Variants in NEXMIF observed in about 807,000 individuals in gnomAD.
NEXMIF encodes XLMR protein related to neurite extension.
NEXMIF carries 8 observed loss-of-function variants against 62.1 expected under a neutral mutation model. The observed-to-expected ratio is 0.13, with a 90% CI of 0.08 to 0.23. The LOEUF is 0.23. NEXMIF is among the 10% of genes least tolerant of loss of function. The pLI, the probability that NEXMIF is intolerant of heterozygous loss-of-function variation, is 1.00. For synonymous variants in NEXMIF, 404 were observed against 416.6 expected (o/e 0.97, Z 0.37); for missense variants, 976 against 1,113.3 (o/e 0.88, Z 1.75).
At chrX:74,747,332 A>G (rs1349983893) in intron 1 of NEXMIF, among the ~76,000 whole-genome samples, 1 of 111,657 alleles carries the variant, frequency 9.0e-6, no homozygotes, top group African/African-American at 3.3e-5. Flanking sequence ...AGACTATGAC[A>G]GCCAAGGTTG....
At chrX:74,811,114 G>GTAA (rs1253578032) in intron 1 of NEXMIF, among the ~76,000 whole-genome samples, 1 of 112,070 alleles carries the variant, frequency 8.9e-6, no homozygotes, top group East Asian at 2.8e-4. Context: ...AGAGCCCATA[G>GTAA]TAAGTATCAG....
At chrX:74,880,165 C>T (rs1318737624) in intron 1 of NEXMIF, among the ~76,000 whole-genome samples, 3 of 112,086 alleles carry the variant, frequency 2.7e-5, no homozygotes, top group Non-Finnish European at 5.6e-5. Flanking sequence ...AATTAGAGGA[C>T]TACTCATTTC....
chrX:74,914,709 C>T (rs924560257), intron 1 of NEXMIF, among the ~76,000 whole-genome samples: 2 of 111,413 alleles, frequency 1.8e-5, no homozygotes, highest in African/African-American at 3.3e-5. Flanking sequence ...ACAAAACCAA[C>T]CAACCAAACA....
chrX:74,901,107 G>T (rs2084951503), intron 1 of NEXMIF, among the ~76,000 whole-genome samples: 2 of 111,667 alleles, frequency 1.8e-5, no homozygotes, highest in Non-Finnish European at 3.8e-5. Context: ...CAGTGTGAAT[G>T]AATTTAATTC....
At chrX:74,886,896 A>G (rs1239637091) in intron 1 of NEXMIF, among the ~76,000 whole-genome samples, 2 of 107,808 alleles carry the variant, frequency 1.9e-5, no homozygotes, top group Non-Finnish European at 3.8e-5. Context: ...CTGACTTCAA[A>G]CTATACTACA....
intron 1 of NEXMIF, among the ~76,000 whole-genome samples, chrX:74,871,786 T>C (rs2080602075): frequency 8.9e-6 from 1 of 111,908 alleles, no homozygotes; most frequent in Non-Finnish European, 1.9e-5. Flanking sequence ...CTTCCCTTTT[T>C]CCCTGAAAAT....
chrX:74,824,188 A>T (rs141608574), intron 1 of NEXMIF, among the ~76,000 whole-genome samples: 1,151 of 111,349 alleles, frequency 0.01, 9 homozygotes, highest in Non-Finnish European at 0.015. Context: ...ATTATTATTA[A>T]CTATAATCAC....
intron 1 of NEXMIF, among the ~76,000 whole-genome samples, chrX:74,880,709 A>C (rs1028252281): frequency 8.9e-6 from 1 of 112,261 alleles, no homozygotes; most frequent in African/African-American, 3.2e-5. Context: ...GGTGTAGAAA[A>C]GAAATTATTT....
chrX:74,874,315 T>C (rs1305514267), intron 1 of NEXMIF, among the ~76,000 whole-genome samples: 1 of 103,774 alleles, frequency 9.6e-6, no homozygotes, highest in African/African-American at 3.6e-5. Flanking sequence ...ATATGTGGCA[T>C]TATTTCTGAG....
chrX:74,860,528 T>C (rs1207735818), intron 1 of NEXMIF, among the ~76,000 whole-genome samples: 1 of 111,800 alleles, frequency 8.9e-6, no homozygotes, highest in East Asian at 2.8e-4. Context: ...TCTTAAAACA[T>C]TCAAAAATTG....
At chrX:74,877,001 A>G (rs1241483730) in intron 1 of NEXMIF, among the ~76,000 whole-genome samples, 1 of 111,414 alleles carries the variant, frequency 9.0e-6, no homozygotes, top group Non-Finnish European at 1.9e-5. Flanking sequence ...ATTTAAAGTT[A>G]ATATTGTTAT....
intron 1 of NEXMIF, among the ~76,000 whole-genome samples, chrX:74,877,362 C>T (rs758412389): frequency 2.7e-5 from 3 of 112,028 alleles, no homozygotes; most frequent in Non-Finnish European, 3.8e-5. Flanking sequence ...GAGAGATCTG[C>T]TGTTAGTCTG....
chrX:74,881,419 CACACAG>C lies in NEXMIF; in HGVS notation c.-48+43458_-48+43463del, dbSNP rs201905622. ...ACACACACACACACACACACACACA[CACACAG>C]AGCAAATACAGGGGAAAAAGGCAGA... On this transcript the variant is annotated intron_variant, in intron 1 of 3. Transcript: ENST00000055682. 1.8e-3 allele frequency among the ~76,000 whole-genome samples: 183 copies of C among 103,525 alleles called. 1 individual carries two copies. The East Asian group carries it at 0.06, about 34-fold the overall frequency. 89.9% of individuals were successfully genotyped at this position (103,525 alleles called of 115,157 possible).
chrX:74,740,781 G>A lies in NEXMIF; in HGVS notation c.3776C>T (p.Ala1259Val). Reference sequence around the variant, plus strand: ...AGGGCCACCATGTTGGATACATTCAGCCAATGTCTTCCCAGTGGAGGATAT... The same window carrying A: ...AGGGCCACCATGTTGGATACATTCAACCAATGTCTTCCCAGTGGAGGATAT... ...NTISSTGKTL[A>V]ECIQHGGPMA... is the part of the protein sequence containing the mutation. The change falls in exon 3 of 4, where the codon GCT becomes GTT. Residue 1259 changes from alanine (A) to valine (V), a missense_variant. Ala to Val is a moderately conservative substitution (Grantham distance 64). Transcript: ENST00000055682. 1 of 1,211,712 alleles carries A rather than the reference G, an allele frequency of 8.3e-7. No homozygotes were observed.
intron 1 of NEXMIF, among the ~76,000 whole-genome samples, chrX:74,765,133 C>T (rs192808866): frequency 8.9e-6 from 1 of 111,847 alleles, no homozygotes; most frequent in Admixed American, 9.5e-5. Flanking sequence ...TATATTTATA[C>T]TAGTTAGGAC....
At position 74,781,118 on chromosome X, in the gene NEXMIF, C is replaced by T. The variant is rs2080245269; in HGVS notation, c.-47-35421G>A. Reference sequence around the variant, plus strand: ...CCTCCCACAGTTCTGTTGCTAGGGCCCAGCTCCCACTTACCACATTCTAGC... The same window carrying T: ...CCTCCCACAGTTCTGTTGCTAGGGCTCAGCTCCCACTTACCACATTCTAGC... On this transcript the variant is annotated intron_variant, in intron 1 of 3. Coordinates refer to ENST00000055682, the MANE Select transcript of NEXMIF (RefSeq NM_001008537.3). Among the ~76,000 whole-genome samples, 6 of 112,125 alleles carry T rather than the reference C, an allele frequency of 5.4e-5. No individual in the cohort carries two copies. In the South Asian group the frequency reaches 2.2e-3, roughly 42 times the overall value.
chrX:74,769,645 T>G, intron 1 of NEXMIF: 4 of 670,083 alleles, frequency 6.0e-6, no homozygotes, highest in Non-Finnish European at 4.9e-6. Flanking sequence ...TATCCGAACT[T>G]TGTAAGACGA....
chrX:74,794,234 C>G (rs969840296), intron 1 of NEXMIF, among the ~76,000 whole-genome samples: 4 of 109,374 alleles, frequency 3.7e-5, no homozygotes, highest in African/African-American at 9.9e-5. Context: ...AATACCCTGC[C>G]GTGTGAGGTG....
At chrX:74,923,689 A>G (rs1381901610) in intron 1 of NEXMIF, among the ~76,000 whole-genome samples, 2 of 111,542 alleles carry the variant, frequency 1.8e-5, no homozygotes, top group East Asian at 5.6e-4. Context: ...TATTCCAGGA[A>G]CTCCTCCACC....
Sources: gnomAD v4.1 joint callset for allele counts (sites outside exome capture counted in the v4.1 genomes callset) on GRCh38, gnomAD v4.1.1 for gene constraint, MANE v1.5 for transcripts, NCBI Gene and HGNC (gene_info 2026-07-23, HGNC 2026-07-21) for gene names.